Variants in PTPRK observed in about 807,000 individuals in gnomAD.
PTPRK encodes the protein receptor-type tyrosine-protein phosphatase kappa.
In PTPRK, 75 loss-of-function variants were observed where a neutral mutation model predicts 178.0. That is an observed-to-expected ratio of 0.42 (90% CI 0.35 to 0.51). The LOEUF is 0.51. PTPRK is among the 20% of genes least tolerant of loss of function. The pLI, the probability that PTPRK is intolerant of heterozygous loss-of-function variation, is 0.02. For missense variants in PTPRK, 1,441 were observed against 1,797.8 expected (o/e 0.80, Z 3.59); for synonymous variants, 637 against 620.6 (o/e 1.03, Z -0.39).
chr6:128,133,866 AAAC>A (rs1477446270), intron 7 of PTPRK, among the ~76,000 whole-genome samples: 3 of 152,154 alleles, frequency 2.0e-5, no homozygotes, highest in African/African-American at 7.2e-5. Context: ...GAAAGATTTT[AAAC>A]AACAAGAAAT....
intron 1 of PTPRK, among the ~76,000 whole-genome samples, chr6:128,474,759 G>A (rs1246195354): frequency 6.6e-6 from 1 of 152,078 alleles, no homozygotes; most frequent in Non-Finnish European, 1.5e-5. Flanking sequence ...GGCAGGAAAA[G>A]ATGCTGCTAA....
chr6:128,413,438 A>G (rs982776523), intron 1 of PTPRK, among the ~76,000 whole-genome samples: 4 of 152,162 alleles, frequency 2.6e-5, no homozygotes, highest in Admixed American at 1.3e-4. Flanking sequence ...AAGCCCACTT[A>G]GTACAATTCT....
At chr6:128,171,589 C>T (rs1382887846) in intron 7 of PTPRK, among the ~76,000 whole-genome samples, 1 of 151,960 alleles carries the variant, frequency 6.6e-6, no homozygotes, top group Non-Finnish European at 1.5e-5. Flanking sequence ...AAATGCGTTA[C>T]TAGTCCCATG....
At chr6:128,499,723 C>T (rs947800511) in intron 1 of PTPRK, among the ~76,000 whole-genome samples, 1 of 152,168 alleles carries the variant, frequency 6.6e-6, no homozygotes, top group South Asian at 2.1e-4. Context: ...ACTCAGTACA[C>T]AGACATATAA....
At chr6:128,463,558 T>C (rs1849352511) in intron 1 of PTPRK, among the ~76,000 whole-genome samples, 1 of 152,120 alleles carries the variant, frequency 6.6e-6, no homozygotes, top group African/African-American at 2.4e-5. Context: ...CTCTATAACA[T>C]TGATATTTTA....
chr6:128,193,317 A>G (rs1176979332), intron 6 of PTPRK, among the ~76,000 whole-genome samples: 1 of 150,972 alleles, frequency 6.6e-6, no homozygotes, highest in African/African-American at 2.4e-5. Context: ...CACAGCTACA[A>G]TTCTAGCATT....
intron 11 of PTPRK, among the ~76,000 whole-genome samples, chr6:128,072,668 G>A (rs768242638): frequency 5.9e-5 from 9 of 152,024 alleles, no homozygotes; most frequent in Middle Eastern, 3.4e-3. Context: ...TTCGAAGCTG[G>A]TATGACCATT....
intron 7 of PTPRK, among the ~76,000 whole-genome samples, chr6:128,103,963 A>G (rs945938892): frequency 3.9e-5 from 6 of 152,114 alleles, no homozygotes; most frequent in Non-Finnish European, 8.8e-5. Flanking sequence ...AGCACCTACT[A>G]CTCAGCCTTG....
intron 3 of PTPRK, 94 bp downstream of exon 3, chr6:128,321,945 C>G (rs1828854722): frequency 1.3e-6 from 2 of 1,542,548 alleles, no homozygotes; most frequent in Admixed American, 3.4e-5. Flanking sequence ...GGCAATCTCT[C>G]ATTACCATGA....
chr6:128,086,459 T>C (rs1019422286), intron 8 of PTPRK, among the ~76,000 whole-genome samples: 6 of 152,178 alleles, frequency 3.9e-5, no homozygotes, highest in Non-Finnish European at 7.4e-5. Context: ...ATAGAAATTC[T>C]ACCTTAGGGT....
At chr6:128,470,269 T>C (rs1008297248) in intron 1 of PTPRK, among the ~76,000 whole-genome samples, 7 of 151,618 alleles carry the variant, frequency 4.6e-5, no homozygotes, top group African/African-American at 1.7e-4. Context: ...CATATATATA[T>C]ATATATATGA....
chr6:128,405,194 A>C (rs1360498821), intron 1 of PTPRK, among the ~76,000 whole-genome samples: 1 of 152,232 alleles, frequency 6.6e-6, no homozygotes, highest in African/African-American at 2.4e-5. Context: ...GGGTGACTTA[A>C]GGCTGAAAAT....
At chr6:128,508,966 A>G (rs1041249162) in intron 1 of PTPRK, among the ~76,000 whole-genome samples, 2 of 150,430 alleles carry the variant, frequency 1.3e-5, no homozygotes, top group African/African-American at 5.0e-5. Context: ...AAAAGAAAAG[A>G]AAAGAAAAGA....
intron 25 of PTPRK, among the ~76,000 whole-genome samples, chr6:127,979,489 T>G (rs1325958339): frequency 6.6e-6 from 1 of 152,226 alleles, no homozygotes; most frequent in East Asian, 1.9e-4. Context: ...TATATTTGCC[T>G]TTCCAGACAC....
intron 2 of PTPRK, among the ~76,000 whole-genome samples, chr6:128,374,299 A>C (rs538674896): frequency 6.6e-6 from 1 of 152,262 alleles, no homozygotes; most frequent in South Asian, 2.1e-4. Context: ...TACCTATACC[A>C]TTGTGATTTC....
intron 2 of PTPRK, among the ~76,000 whole-genome samples, chr6:128,383,688 A>G (rs1355101489): frequency 1.3e-5 from 2 of 152,202 alleles, no homozygotes; most frequent in African/African-American, 2.4e-5. Context: ...TGCCAAACAC[A>G]GTGCTAAACT....
chr6:128,507,121 G>A (rs929380683), intron 1 of PTPRK, among the ~76,000 whole-genome samples: 6 of 152,100 alleles, frequency 3.9e-5, no homozygotes, highest in African/African-American at 1.4e-4. Flanking sequence ...CACTCAAGCA[G>A]TCAAGTTCCA....
At chr6:128,441,354 A>G (rs541695409) in intron 1 of PTPRK, among the ~76,000 whole-genome samples, 121 of 152,278 alleles carry the variant, frequency 7.9e-4, no homozygotes, top group African/African-American at 2.9e-3. Context: ...TGGAAACTTT[A>G]GGCAGTTGTG....
intron 13 of PTPRK, among the ~76,000 whole-genome samples, chr6:128,041,285 T>A (rs1414530462): frequency 2.0e-5 from 3 of 152,056 alleles, no homozygotes; most frequent in Non-Finnish European, 4.4e-5. Context: ...TCAAGAAAGA[T>A]CCAATTAACT....
Sources: allele counts gnomAD v4.1 joint callset (sites outside exome capture counted in the v4.1 genomes callset), GRCh38; gene constraint gnomAD v4.1.1; transcripts MANE v1.5; gene names NCBI Gene and HGNC (gene_info 2026-07-23, HGNC 2026-07-21).